The following TIMP4 variants were observed in gnomAD, a reference collection of about 807,000 sequenced individuals.
TIMP4 encodes metalloproteinase inhibitor 4.
Under a neutral mutation model 27.3 loss-of-function variants are expected in TIMP4, and 28 were observed. That is an observed-to-expected ratio of 1.03 (90% CI 0.76 to 1.41). TIMP4 has a LOEUF of 1.41. TIMP4 is among the 40% of genes most tolerant of loss of function. The pLI is 0.00. For missense variants in TIMP4, 307 were observed against 285.5 expected, an observed-to-expected ratio of 1.08 and a Z score of -0.54; for synonymous variants, 138 against 115.5, an observed-to-expected ratio of 1.20 and a Z score of -1.25.
chr3:12,157,941 A>AGC (rs1697506606), intron 1 of TIMP4, among the ~76,000 whole-genome samples: 1 of 152,246 alleles, frequency 6.6e-6, no homozygotes, highest in Non-Finnish European at 1.5e-5. Flanking sequence ...GAGGTATTGC[A>AGC]TCTCTTGCCA....
rs143705137 is a variant in TIMP4, at chr3:12,158,819, C to A, written c.22G>T (p.Ala8Ser). The change falls in exon 1 of 5, where the codon GCG (alanine) becomes TCG (serine). Residue 8 changes from alanine to serine, a missense_variant. Transcript: ENST00000287814. ...CGCAGCAACAGCACCCAGCTTGGCG[C>A]GGGCCGAGGGCTCCCAGGCATGACA... is the stretch of plus-strand genomic sequence containing the variant. Reference protein sequence around the residue: MPGSPRPAPSWVLLLRLL... With the variant: MPGSPRPSPSWVLLLRLL... 1 of 1,595,254 alleles carries A rather than the reference C, an allele frequency of 6.3e-7. No homozygotes were observed. The highest frequency in any genetic ancestry group is 1.1e-5 in the South Asian group (1 of 89,776).
intron 3 of TIMP4, 46 bp downstream of exon 3, chr3:12,156,774 G>A: frequency 6.6e-7 from 1 of 1,507,640 alleles, no homozygotes; most frequent in South Asian, 1.1e-5. Context: ...CCTCCCCTAG[G>A]GCAGAATCTA....
chr3:12,157,043 G>A (rs1319025063), intron 2 of TIMP4, 109 bp from the exon 3 acceptor site: 5 of 795,382 alleles, frequency 6.3e-6, no homozygotes, highest in East Asian at 2.7e-5. Flanking sequence ...CAAAAGTCTA[G>A]TTGAGGATTT....
At chr3:12,155,859 G>GCCTGGTC (rs1399703500) in intron 3 of TIMP4, among the ~76,000 whole-genome samples, 4 of 152,164 alleles carry the variant, frequency 2.6e-5, no homozygotes, top group Admixed American at 2.6e-4. Context: ...GTTTGAAAGG[G>GCCTGGTC]CCTGGTCTGC....
chr3:12,158,148 C>T (rs1258230932), intron 1 of TIMP4, among the ~76,000 whole-genome samples: 5 of 152,158 alleles, frequency 3.3e-5, no homozygotes, highest in Non-Finnish European at 5.9e-5. Flanking sequence ...GCTGAGGCGG[C>T]ACCAAGGAGC....
In TIMP4 at chr3:12,153,705, G is replaced by A; in HGVS notation, c.485C>T (p.Thr162Ile). 1 of 1,614,200 alleles carries A rather than the reference G, an allele frequency of 6.2e-7. No homozygotes were observed. The highest frequency in any genetic ancestry group is 8.5e-7 in the Non-Finnish European group (1 of 1,180,046). Residue 162 changes from threonine (T) to isoleucine (I), a missense_variant, in exon 5 of 5, where the codon ACC becomes ATC. Coordinates refer to ENST00000287814, the MANE Select transcript of TIMP4 (RefSeq NM_003256.4). The stretch of plus-strand genomic sequence containing the variant: ...GATGGTACAGGGTACTGTGTAGCAG[G>A]TGGTGATCTAGAGTCATGGCCACAC... ...YHLNCGCQIT[T>I]CYTVPCTISA...
intron 4 of TIMP4, 59 bp downstream of exon 4, chr3:12,154,268 A>G (rs1019530890): frequency 1.1e-5 from 18 of 1,609,400 alleles, no homozygotes; most frequent in Admixed American, 3.3e-5. Flanking sequence ...TCATGCATGA[A>G]TGAAGGCTCA....
chr3:12,158,366 C>CCCCTT (rs2125232297), intron 1 of TIMP4, among the ~76,000 whole-genome samples: 1 of 152,310 alleles, frequency 6.6e-6, no homozygotes, highest in Non-Finnish European at 1.5e-5. Context: ...CCTCTCCCCT[C>CCCCTT]CCCTTTCTGT....
Position 12,158,848 on chromosome 3 carries a change from C to A in TIMP4, c.-8G>T. 1 of 1,565,200 alleles carries A rather than the reference C, an allele frequency of 6.4e-7. No homozygotes were observed. Among genetic ancestry groups the A allele is most frequent in the Non-Finnish European group, 8.6e-7 (1 of 1,159,948 alleles). On this transcript the variant is annotated 5_prime_UTR_variant, in exon 1 of 5. Coordinates refer to ENST00000287814, the MANE Select transcript of TIMP4 (RefSeq NM_003256.4). The stretch of plus-strand genomic sequence containing the variant: ...CCGAGGGCTCCCAGGCATGACACTG[C>A]AGATCCGCGACTGAGCCTGTGAGGT...
At chr3:12,154,206 C>A (rs1407266147) in intron 4 of TIMP4, 121 bp downstream of exon 4, 29 of 1,439,856 alleles carry the variant, frequency 2.0e-5, no homozygotes, top group Non-Finnish European at 2.8e-5. Flanking sequence ...GCTTTCTCAT[C>A]CCCAACTTCA....
intron 3 of TIMP4, among the ~76,000 whole-genome samples, 183 bp downstream of exon 3, chr3:12,156,637 A>C (rs1697465007): frequency 6.6e-6 from 1 of 152,182 alleles, no homozygotes; most frequent in African/African-American, 2.4e-5. Context: ...TTACATTTAA[A>C]GGGAGGTTAC....
intron 4 of TIMP4, among the ~76,000 whole-genome samples, chr3:12,154,063 T>C (rs1697381155): frequency 6.6e-6 from 1 of 152,216 alleles, no homozygotes; most frequent in African/African-American, 2.4e-5. Context: ...AAATTTACTA[T>C]TACAGTGGCT....
At chr3:12,156,573 C>T (rs1171219587) in intron 3 of TIMP4, among the ~76,000 whole-genome samples, 1 of 152,198 alleles carries the variant, frequency 6.6e-6, no homozygotes, top group Non-Finnish European at 1.5e-5. Context: ...ACTGGGTGAG[C>T]AGCCTGTCCT....
chr3:12,158,638 G>A, intron 1 of TIMP4, 64 bp downstream of exon 1: 1 of 1,595,616 alleles, frequency 6.3e-7, no homozygotes, highest in South Asian at 1.1e-5. Context: ...CTGGTGTACT[G>A]CTGGCCAGAT....
Position 12,153,599 on chromosome 3 carries a change from A to G in TIMP4, c.591T>C (p.Cys197=), listed in dbSNP as rs780082323. ...TGCAGGTGCCGTCAACATGCTTCAT[A>G]CAGACATAATGCTGAGCCTGGTAAC... ...LYGYQAQHYV[C]MKHVDGTCSW... is the part of the protein sequence containing the mutation. Residue 197 remains cysteine (C), a synonymous_variant, in exon 5 of 5, where the codon TGT becomes TGC. Transcript: ENST00000287814. 2 of 1,613,968 alleles carry G rather than the reference A, an allele frequency of 1.2e-6. No individual in the cohort carries two copies. Among genetic ancestry groups the G allele is most frequent in the Non-Finnish European group, 1.7e-6 (2 of 1,180,006 alleles).
Position 12,153,707 on chromosome 3 carries a change from G to C in TIMP4, c.483C>G (p.Thr161=). The C allele has an allele frequency of 6.2e-7, 1 of 1,614,168 alleles. No individual in the cohort carries two copies. The change falls in exon 5 of 5, where the codon ACC becomes ACG. Residue 161 remains threonine, a synonymous_variant. Coordinates refer to ENST00000287814, the MANE Select transcript of TIMP4 (RefSeq NM_003256.4). ...HYHLNCGCQI[T]TCYTVPCTIS... ...TGGTACAGGGTACTGTGTAGCAGGT[G>C]GTGATCTAGAGTCATGGCCACACAA... is the stretch of plus-strand genomic sequence containing the variant.
At chr3:12,157,167 C>G (rs1176215469) in intron 2 of TIMP4, among the ~76,000 whole-genome samples, 1 of 152,164 alleles carries the variant, frequency 6.6e-6, no homozygotes, top group African/African-American at 2.4e-5. Flanking sequence ...GCACCATACA[C>G]CAGCAGCTGT....
rs1048446494 is a variant in TIMP4 at position 12,153,559 on chromosome 3, G to T, written c.631C>A (p.His211Asn). The change falls in exon 5 of 5, where the codon CAC (histidine) becomes AAC (asparagine). Residue 211 changes from histidine to asparagine, a missense_variant. Coordinates refer to ENST00000287814, the MANE Select transcript of TIMP4 (RefSeq NM_003256.4). ...ACAAACTCCTTCCTGAGAGGCAGGT[G>T]GCCCCGGTACCAGCTGCAGGTGCCG... Reference protein sequence around the residue: ...VDGTCSWYRGHLPLRKEFVDI... With the variant: ...VDGTCSWYRGNLPLRKEFVDI... 1.2e-6 allele frequency: 2 copies of T among 1,613,940 alleles called. No individual in the cohort carries two copies. Among genetic ancestry groups the T allele is most frequent in the East Asian group, 2.2e-5 (1 of 44,896 alleles).
chr3:12,157,355 G>A (rs200638524), intron 2 of TIMP4, 30 bp downstream of exon 2: 13 of 1,603,268 alleles, frequency 8.1e-6, no homozygotes, highest in Non-Finnish European at 8.5e-6. Flanking sequence ...CAGCCTTAGG[G>A]GCTACACATC....
Sources: gnomAD v4.1 joint callset for allele counts (sites outside exome capture counted in the v4.1 genomes callset) on GRCh38, gnomAD v4.1.1 for gene constraint, MANE v1.5 for transcripts, NCBI Gene and HGNC (gene_info 2026-07-23, HGNC 2026-07-21) for gene names.